The following KCNIP4 variants were observed in gnomAD, a reference collection of about 807,000 sequenced individuals.
The protein encoded by KCNIP4 is potassium voltage-gated channel interacting protein 4, also known as Kv channel-interacting protein 4.
In KCNIP4, 12 loss-of-function variants were observed where a neutral mutation model predicts 34.0. The observed-to-expected ratio is 0.35, with a 90% CI of 0.23 to 0.57. KCNIP4 has a LOEUF of 0.57. Ranked by LOEUF, KCNIP4 falls within the 20% of genes least tolerant of loss-of-function variation. The pLI, the probability that KCNIP4 is intolerant of heterozygous loss-of-function variation, is 0.83. For synonymous variants in KCNIP4, 124 were observed against 102.2 expected (o/e 1.21, Z -1.29); for missense variants, 238 against 311.7 (o/e 0.76, Z 1.78).
intron 1 of KCNIP4, among the ~76,000 whole-genome samples, chr4:21,116,541 T>C (rs775915582): frequency 5.2e-4 from 79 of 152,364 alleles, no homozygotes; most frequent in Non-Finnish European, 7.6e-4. Flanking sequence ...CTGTACTTTA[T>C]GCCTTCCGTT....
At chr4:21,656,009 G>T (rs1747897152) in intron 1 of KCNIP4, among the ~76,000 whole-genome samples, 1 of 152,144 alleles carries the variant, frequency 6.6e-6, no homozygotes, top group Admixed American at 6.6e-5. Flanking sequence ...TGCTAGTGCT[G>T]CTATAACAAA....
intron 1 of KCNIP4, among the ~76,000 whole-genome samples, chr4:21,615,083 T>C (rs1577696136): frequency 6.6e-6 from 1 of 151,130 alleles, no homozygotes; most frequent in East Asian, 1.9e-4. Flanking sequence ...ACTAGGAAGA[T>C]AAGAGTAGCA....
intron 1 of KCNIP4, among the ~76,000 whole-genome samples, chr4:21,839,569 C>T (rs1723553079): frequency 6.6e-6 from 1 of 152,092 alleles, no homozygotes. Context: ...GCCTGACTAA[C>T]ATGGAGAAAT....
chr4:21,320,988 A>G (rs1395620297), intron 1 of KCNIP4, among the ~76,000 whole-genome samples: 3 of 151,294 alleles, frequency 2.0e-5, no homozygotes, highest in Non-Finnish European at 4.4e-5. Context: ...AAAAAGAGGA[A>G]AGTTAGTCCT....
intron 1 of KCNIP4, among the ~76,000 whole-genome samples, chr4:21,771,677 C>A (rs1718798805): frequency 1.3e-5 from 2 of 152,026 alleles, no homozygotes; most frequent in Admixed American, 1.3e-4. Flanking sequence ...GTATTTTATT[C>A]TCTTTGTAGT....
chr4:20,907,356 G>C (rs146631709), intron 1 of KCNIP4, among the ~76,000 whole-genome samples: 1 of 152,192 alleles, frequency 6.6e-6, no homozygotes, highest in African/African-American at 2.4e-5. Context: ...CTCTGCTACT[G>C]TTAATTGCTA....
Position 20,949,931 on chromosome 4 carries a change from C to T in KCNIP4, c.62-67222G>A, listed in dbSNP as rs994636674. On this transcript the variant is annotated intron_variant, in intron 1 of 8. Transcript: ENST00000382152. ...CTAGATGACGAGTTAGTGGGTGCAG[C>T]GCACCAGCATGGCACATGTATACAT... Among the ~76,000 whole-genome samples the T allele has an allele frequency of 1.3e-4, 19 of 149,554 alleles. No individual in the cohort carries two copies. The South Asian group carries it at 2.8e-3, about 22-fold the overall frequency.
chr4:20,859,299 C>T (rs1337940518), intron 2 of KCNIP4, among the ~76,000 whole-genome samples: 2 of 152,138 alleles, frequency 1.3e-5, no homozygotes, highest in East Asian at 1.9e-4. Context: ...AAAACCAGAA[C>T]CAGATGGGAC....
At position 20,925,717 on chromosome 4, in the gene KCNIP4, G is replaced by A. The variant is rs1327714527; in HGVS notation, c.62-43008C>T. ...GGGTCTGGATTGGGACCCCTTTCCCGTAGCACTAGGACTTATTACATGCCT... is the reference window on the plus strand; with the variant it reads ...GGGTCTGGATTGGGACCCCTTTCCCATAGCACTAGGACTTATTACATGCCT... On this transcript the variant is annotated intron_variant, in intron 1 of 8. Transcript: ENST00000382152. 3.9e-5 allele frequency among the ~76,000 whole-genome samples: 6 copies of A among 152,072 alleles called. No homozygotes were observed. The East Asian group carries it at 9.7e-4, about 25-fold the overall frequency.
At chr4:21,105,069 G>A (rs1047595945) in intron 1 of KCNIP4, among the ~76,000 whole-genome samples, 3 of 151,610 alleles carry the variant, frequency 2.0e-5, no homozygotes, top group Non-Finnish European at 2.9e-5. Context: ...GATTGACTTG[G>A]CAATGTGGTC....
chr4:20,873,407 C>T (rs7655347), intron 2 of KCNIP4, among the ~76,000 whole-genome samples: 25,542 of 152,184 alleles, frequency 0.17, 2,340 homozygotes, highest in Middle Eastern at 0.2. Flanking sequence ...CTGTCTTGCA[C>T]AGACTTTTCA....
At chr4:21,932,671 C>T (rs1237402394) in intron 1 of KCNIP4, among the ~76,000 whole-genome samples, 3 of 151,916 alleles carry the variant, frequency 2.0e-5, no homozygotes, top group Non-Finnish European at 4.4e-5. Context: ...ACTGAGCATG[C>T]CTTAATTTAA....
At chr4:21,081,837 C>A (rs1442162459) in intron 1 of KCNIP4, among the ~76,000 whole-genome samples, 2 of 151,636 alleles carry the variant, frequency 1.3e-5, no homozygotes, top group African/African-American at 2.4e-5. Context: ...TATATACACA[C>A]AGAAACACAT....
At chr4:20,839,881 C>T (rs1265677777) in intron 3 of KCNIP4, among the ~76,000 whole-genome samples, 1 of 152,160 alleles carries the variant, frequency 6.6e-6, no homozygotes, top group East Asian at 1.9e-4. Context: ...CAACATATAT[C>T]CATTTTTGCA....
chr4:21,294,911 C>T (rs559153559), intron 1 of KCNIP4, among the ~76,000 whole-genome samples: 1 of 152,280 alleles, frequency 6.6e-6, no homozygotes, highest in Non-Finnish European at 1.5e-5. Flanking sequence ...AGGAACTACT[C>T]AAAGGATAAC....
chr4:21,612,800 GGTAAA>G (rs987629679), intron 1 of KCNIP4, among the ~76,000 whole-genome samples: 2 of 152,128 alleles, frequency 1.3e-5, no homozygotes, highest in Admixed American at 6.6e-5. Flanking sequence ...CTTGATAGAG[GGTAAA>G]GTAATCACAA....
chr4:20,749,556 GCTTT>G (rs1205668784), intron 5 of KCNIP4, 102 bp downstream of exon 5: 1 of 699,920 alleles, frequency 1.4e-6, no homozygotes, highest in African/African-American at 1.8e-5. Flanking sequence ...GTGTCCTTGG[GCTTT>G]CTTTCCCCTG....
chr4:21,523,895 AC>A (rs1038736470), intron 1 of KCNIP4, among the ~76,000 whole-genome samples: 13 of 152,174 alleles, frequency 8.5e-5, no homozygotes, highest in Admixed American at 7.9e-4. Context: ...TGACACCTTT[AC>A]ATGGAGGCTT....
At chr4:21,270,764 A>C (rs1312599196) in intron 1 of KCNIP4, among the ~76,000 whole-genome samples, 1 of 152,114 alleles carries the variant, frequency 6.6e-6, no homozygotes, top group Non-Finnish European at 1.5e-5. Context: ...AGGAGGGCAG[A>C]TCACTTGAGG....
Sources: allele counts gnomAD v4.1 joint callset (sites outside exome capture counted in the v4.1 genomes callset), GRCh38; gene constraint gnomAD v4.1.1; transcripts MANE v1.5; gene names NCBI Gene and HGNC (gene_info 2026-07-23, HGNC 2026-07-21).